The following SNX29 variants were observed in gnomAD, a reference collection of about 807,000 sequenced individuals.
SNX29 encodes the protein sorting nexin 29.
A neutral mutation model predicts 102.1 loss-of-function variants in SNX29; 78 were observed. That is an observed-to-expected ratio of 0.76 (90% CI 0.64 to 0.92). The LOEUF (loss-of-function observed/expected upper bound fraction) is 0.92. SNX29 is among the 40% of genes least tolerant of loss of function. The pLI is 0.00. For missense variants in SNX29, 1,280 were observed against 1,061.7 expected (o/e 1.21, Z -2.86); for synonymous variants, 580 against 414.5 (o/e 1.40, Z -4.85).
chr16:12,440,892 A>G (rs929032361), intron 18 of SNX29, among the ~76,000 whole-genome samples: 9 of 152,198 alleles, frequency 5.9e-5, no homozygotes, highest in Non-Finnish European at 1.0e-4. Flanking sequence ...ATAGTACTGC[A>G]GTGAATATGT....
At chr16:12,537,631 G>C (rs1337063044) in intron 20 of SNX29, among the ~76,000 whole-genome samples, 1 of 152,080 alleles carries the variant, frequency 6.6e-6, no homozygotes. Context: ...TGAGTTGGCA[G>C]CTTAGATATT....
In SNX29 at chr16:12,569,725, G is replaced by C; in HGVS notation, c.*1096G>C. ...AGAGGAGGATGGGGACCAGCAGCTGGGCAGCCCCCAGGGCTCCTCCTCCAG... is the reference window on the plus strand; with the variant it reads ...AGAGGAGGATGGGGACCAGCAGCTGCGCAGCCCCCAGGGCTCCTCCTCCAG... On this transcript the variant is annotated 3_prime_UTR_variant, in exon 21 of 21. Transcript: ENST00000566228. 4.3e-6 allele frequency: 1 copy of C among 230,624 alleles called. No homozygotes were observed. Among genetic ancestry groups the C allele is most frequent in the East Asian group, 6.1e-5 (1 of 16,262 alleles). The allele number at this position is 230,624 out of a possible 1,614,324, so 14.3% of individuals were successfully genotyped here.
chr16:12,355,314 C>T (rs530188662), intron 15 of SNX29, among the ~76,000 whole-genome samples: 1 of 152,332 alleles, frequency 6.6e-6, no homozygotes, highest in Admixed American at 6.5e-5. Flanking sequence ...GAGCTTCTCC[C>T]TGTATCCCTC....
At chr16:12,545,696 G>C (rs968298979) in intron 20 of SNX29, 6 of 152,334 alleles carry the variant, frequency 3.9e-5, no homozygotes, top group African/African-American at 1.4e-4. Flanking sequence ...GGAGTGGCTG[G>C]TGCAAGGTGG....
chr16:12,167,665 T>A (rs1438139501), intron 13 of SNX29, among the ~76,000 whole-genome samples: 1 of 152,054 alleles, frequency 6.6e-6, no homozygotes, highest in Non-Finnish European at 1.5e-5. Context: ...CCCAATGAGG[T>A]AGGTAGAAGT....
In SNX29 at chr16:12,088,738, G is replaced by A. The variant is rs144396522; in HGVS notation, c.1402+9823G>A. Reference sequence around the variant, plus strand: ...AGGTGGGAAGATGGCTCGAATGCAGGAGTTCAAGACCAGCCTGGGCAACAT... The same window carrying A: ...AGGTGGGAAGATGGCTCGAATGCAGAAGTTCAAGACCAGCCTGGGCAACAT... On this transcript the variant is annotated intron_variant, in intron 11 of 20. Transcript: ENST00000566228. Among the ~76,000 whole-genome samples the A allele has an allele frequency of 1.6e-4, 25 of 152,170 alleles. No homozygotes were observed. The East Asian group carries it at 4.4e-3, about 27-fold the overall frequency.
In SNX29 at chr16:12,152,827, CT is replaced by C. The variant is rs538594787; in HGVS notation, c.1595+23070del. Among the ~76,000 whole-genome samples the C allele has an allele frequency of 5.2e-3, 792 of 152,312 alleles. 9 individuals carry two copies. The highest frequency in any genetic ancestry group is 0.018 in the African/African-American group (756 of 41,550). On this transcript the variant is annotated intron_variant, in intron 13 of 20. Coordinates refer to ENST00000566228, the MANE Select transcript of SNX29 (RefSeq NM_032167.5). ...AATGGTTCTGTCTCACATAGGTCAG[CT>C]AAGTTAATCGTCGTGGTTGCCAGTG...
chr16:12,251,207 A>T (rs1055739986), intron 14 of SNX29, among the ~76,000 whole-genome samples: 2 of 152,206 alleles, frequency 1.3e-5, no homozygotes, highest in African/African-American at 4.8e-5. Context: ...TTCATCTGTA[A>T]AGTGGACGTG....
At chr16:12,181,998 C>G (rs967786512) in intron 13 of SNX29, among the ~76,000 whole-genome samples, 1 of 151,944 alleles carries the variant, frequency 6.6e-6, no homozygotes, top group Non-Finnish European at 1.5e-5. Context: ...ATTCTCCTGC[C>G]TCACTGTTCT....
intron 11 of SNX29, among the ~76,000 whole-genome samples, chr16:12,080,506 C>T (rs1191785519): frequency 6.6e-6 from 1 of 152,086 alleles, no homozygotes; most frequent in Non-Finnish European, 1.5e-5. Context: ...TACCACAGTA[C>T]TGTTACTTAC....
intron 16 of SNX29, among the ~76,000 whole-genome samples, chr16:12,374,126 G>C (rs910594463): frequency 6.6e-6 from 1 of 152,228 alleles, no homozygotes; most frequent in Non-Finnish European, 1.5e-5. Flanking sequence ...CCACTGGATG[G>C]TGGGCTGTGT....
chr16:12,500,959 C>G (rs1285128026), intron 19 of SNX29, among the ~76,000 whole-genome samples: 2 of 152,182 alleles, frequency 1.3e-5, no homozygotes, highest in African/African-American at 4.8e-5. Flanking sequence ...TGAGCCACGC[C>G]TGTCATGGGC....
At chr16:11,977,843 C>G (rs1030114200) in intron 1 of SNX29, 5 of 152,234 alleles carry the variant, frequency 3.3e-5, no homozygotes, top group African/African-American at 7.2e-5. Flanking sequence ...CTCAGCTCTC[C>G]CCTGACTGTC....
At chr16:12,362,159 A>G (rs549612975) in intron 16 of SNX29, among the ~76,000 whole-genome samples, 1 of 152,340 alleles carries the variant, frequency 6.6e-6, no homozygotes, top group South Asian at 2.1e-4. Flanking sequence ...CCTTGAACTG[A>G]CAAAACCGTA....
intron 9 of SNX29, among the ~76,000 whole-genome samples, chr16:12,066,464 A>C (rs538665922): frequency 6.6e-6 from 1 of 152,182 alleles, no homozygotes; most frequent in Non-Finnish European, 1.5e-5. Context: ...GTTGGTAGGC[A>C]CAGCGGGGTA....
chr16:12,219,142 T>C (rs1052953662), intron 14 of SNX29, among the ~76,000 whole-genome samples: 3 of 152,182 alleles, frequency 2.0e-5, no homozygotes, highest in Non-Finnish European at 4.4e-5. Flanking sequence ...TGGGGCCTTT[T>C]GGCAGGAAGG....
intron 14 of SNX29, among the ~76,000 whole-genome samples, chr16:12,270,493 A>G (rs1256732941): frequency 6.6e-6 from 1 of 152,142 alleles, no homozygotes; most frequent in Non-Finnish European, 1.5e-5. Flanking sequence ...TTGTGCTTGC[A>G]TGAACTTAGC....
At chr16:12,264,531 C>T (rs917573882) in intron 14 of SNX29, among the ~76,000 whole-genome samples, 1 of 152,190 alleles carries the variant, frequency 6.6e-6, no homozygotes, top group African/African-American at 2.4e-5. Flanking sequence ...TTTGTAATCC[C>T]AGCACTTTGG....
At position 11,985,315 on chromosome 16, in the gene SNX29, G is replaced by A. The variant is rs368700814; in HGVS notation, c.7+8502G>A. On this transcript the variant is annotated intron_variant, in intron 1 of 20. Transcript: ENST00000566228. ...GTTGTTACCACTGGGGTCTGTTGAA[G>A]CAAAAGGATGTTGTTGGGACCGTGC... 2.8e-4 allele frequency among the ~76,000 whole-genome samples: 43 copies of A among 152,284 alleles called. No individual in the cohort carries two copies. In the East Asian group the frequency reaches 3.5e-3, roughly 12 times the overall value.
Sources: gnomAD v4.1 joint callset for allele counts (sites outside exome capture counted in the v4.1 genomes callset) on GRCh38, gnomAD v4.1.1 for gene constraint, MANE v1.5 for transcripts, NCBI Gene and HGNC (gene_info 2026-07-23, HGNC 2026-07-21) for gene names.